TENT4B: variants seen among roughly 807,000 people sequenced by gnomAD.
The protein encoded by TENT4B is PAP associated domain containing 5.
A neutral mutation model predicts 75.0 loss-of-function variants in TENT4B; 10 were observed. That is an observed-to-expected ratio of 0.13 (90% CI 0.08 to 0.23). TENT4B has a LOEUF of 0.23. Among genes scored for constraint, TENT4B ranks in the 10% least tolerant of loss-of-function variants. The pLI, the probability that TENT4B is intolerant of heterozygous loss-of-function variation, is 1.00. For missense variants in TENT4B, 579 were observed against 893.8 expected (o/e 0.65, Z 4.49); for synonymous variants, 350 against 357.7 (o/e 0.98, Z 0.24).
intron 1 of TENT4B, among the ~76,000 whole-genome samples, chr16:50,170,571 G>A (rs189863391): frequency 6.6e-6 from 1 of 152,188 alleles, no homozygotes; most frequent in Non-Finnish European, 1.5e-5. Context: ...AAGATGAGCC[G>A]CACTCAGCCT....
chr16:50,187,013 G>T (rs966796292), intron 1 of TENT4B, among the ~76,000 whole-genome samples: 2 of 151,702 alleles, frequency 1.3e-5, no homozygotes, highest in Non-Finnish European at 2.9e-5. Context: ...CTCCTACCTC[G>T]GCTTCTCAGA....
chr16:50,165,726 G>A (rs922352837), intron 1 of TENT4B, among the ~76,000 whole-genome samples: 3 of 152,096 alleles, frequency 2.0e-5, no homozygotes, highest in African/African-American at 7.2e-5. Flanking sequence ...TGTTTCCAAA[G>A]GTTATCTGTG....
chr16:50,226,086 G>A (rs577391293), intron 10 of TENT4B, among the ~76,000 whole-genome samples: 2 of 151,258 alleles, frequency 1.3e-5, no homozygotes, highest in Admixed American at 6.6e-5. Context: ...CTCAACCTTC[G>A]CCTCCTGGGT....
intron 1 of TENT4B, among the ~76,000 whole-genome samples, chr16:50,194,938 A>G (rs1226734744): frequency 1.3e-5 from 2 of 151,440 alleles, no homozygotes; most frequent in Non-Finnish European, 2.9e-5. Context: ...TTTAGTAGAG[A>G]CGGGGTTTCA....
intron 2 of TENT4B, among the ~76,000 whole-genome samples, chr16:50,212,501 T>C (rs1459062005): frequency 6.6e-6 from 1 of 152,198 alleles, no homozygotes; most frequent in East Asian, 1.9e-4. Flanking sequence ...GGCACTGTCC[T>C]GGGTGGTGGT....
intron 6 of TENT4B, among the ~76,000 whole-genome samples, chr16:50,222,907 A>G (rs1253534721): frequency 6.6e-6 from 1 of 152,062 alleles, no homozygotes; most frequent in African/African-American, 2.4e-5. Context: ...GACTTTGCTG[A>G]TGTGTTGGGC....
At position 50,229,544 on chromosome 16, in the gene TENT4B, A is replaced by G. The variant is rs369429144; in HGVS notation, c.*216A>G. On this transcript the variant is annotated 3_prime_UTR_variant, in exon 12 of 12. Coordinates refer to ENST00000561678, the MANE Select transcript of TENT4B (RefSeq NM_001365324.3). ...AAAAAAAAGCAAGCAAAAAAGAGGG[A>G]AAAAAAAGGCTGCTTATTTGATAAG... 6.7e-5 allele frequency: 84 copies of G among 1,251,906 alleles called. No individual in the cohort carries two copies. The highest frequency in any genetic ancestry group is 2.8e-4 in the South Asian group (9 of 32,646). The allele number at this position is 1,251,906 out of a possible 1,614,324, so 77.5% of individuals were successfully genotyped here.
chr16:50,210,057 AC>A (rs1164687388), intron 1 of TENT4B, among the ~76,000 whole-genome samples: 1 of 150,730 alleles, frequency 6.6e-6, no homozygotes, highest in African/African-American at 2.4e-5. Flanking sequence ...CCCAGGCCAA[AC>A]CCCCTGCCCC....
At chr16:50,152,929 C>T (rs1171769650), upstream of TENT4B, 4 of 1,491,266 alleles carry the variant, frequency 2.7e-6, no homozygotes, top group Non-Finnish European at 3.6e-6. Context: ...CAACGCGCTC[C>T]CTGCGGGGCG....
intron 1 of TENT4B, among the ~76,000 whole-genome samples, chr16:50,162,878 GTTGGC>G (rs1457026431): frequency 6.2e-4 from 94 of 152,272 alleles, no homozygotes; most frequent in Middle Eastern, 6.8e-3. Context: ...TTTATAGTCT[GTTGGC>G]TTGGCTATAT....
At chr16:50,188,892 AC>A (rs2038586505) in intron 1 of TENT4B, among the ~76,000 whole-genome samples, 1 of 152,212 alleles carries the variant, frequency 6.6e-6, no homozygotes, top group African/African-American at 2.4e-5. Flanking sequence ...AAAACAAGAT[AC>A]ATGCTGACAT....
intron 1 of TENT4B, among the ~76,000 whole-genome samples, chr16:50,188,629 A>G (rs1316350610): frequency 2.6e-5 from 4 of 152,228 alleles, no homozygotes; most frequent in Admixed American, 1.3e-4. Context: ...AGTTTACGAC[A>G]TGTCTCAATA....
rs5816679 is a variant in TENT4B, at chr16:50,194,216, C to CTT, written c.639-17095_639-17094dup. ...TCTGTTCTTTCTTTCTCTTTTCTTT[C>CTT]TTTTTTTTTTTTTCTCTGAGACGGA... On this transcript the variant is annotated intron_variant, in intron 1 of 11. Transcript: ENST00000561678. Among the ~76,000 whole-genome samples, 141 of 139,772 alleles carry CTT rather than the reference C, an allele frequency of 1.0e-3. 1 individual carries two copies. The highest frequency in any genetic ancestry group is 1.2e-3 in the Non-Finnish European group (82 of 65,688). The allele number at this position is 139,772 out of a possible 152,430, so 91.7% of individuals were successfully genotyped here.
intron 1 of TENT4B, among the ~76,000 whole-genome samples, chr16:50,197,680 A>G (rs1046933180): frequency 6.6e-6 from 1 of 152,200 alleles, no homozygotes; most frequent in African/African-American, 2.4e-5. Context: ...TGTCGTGGAA[A>G]AAGATTTATG....
At position 50,231,879 on chromosome 16, in the gene TENT4B, CTTAT is replaced by C. The variant is rs1207079109; in HGVS notation, c.*2554_*2557del. 2.0e-6 allele frequency: 2 copies of C among 982,116 alleles called. No homozygotes were observed. The highest frequency in any genetic ancestry group is 6.2e-5 in the Admixed American group (1 of 16,248). 60.8% of individuals were successfully genotyped at this position (982,116 alleles called of 1,614,324 possible). A position where few individuals can be genotyped will look rare whatever the true frequency, so the allele number is the denominator to read the frequency against. On this transcript the variant is annotated 3_prime_UTR_variant, in exon 12 of 12. Transcript: ENST00000561678. ...TACATTTCATCTATTTGACTCCTATCTTATTTCTTTTTTGAGTTTTAATACTTCC... is the reference window on the plus strand; with the variant it reads ...TACATTTCATCTATTTGACTCCTATCTTCTTTTTTGAGTTTTAATACTTCC...
chr16:50,206,354 A>ATTTTTTTTTT (rs35118426), intron 1 of TENT4B, among the ~76,000 whole-genome samples: 3 of 96,548 alleles, frequency 3.1e-5, no homozygotes, highest in African/African-American at 7.8e-5. Context: ...ATATGTATGT[A>ATTTTTTTTTT]TTTTTTTTTT....
In TENT4B at chr16:50,233,183, AAT is replaced by A. The variant is rs2032346957; in HGVS notation, c.*3858_*3859del. On this transcript the variant is annotated 3_prime_UTR_variant, in exon 12 of 12. Coordinates refer to ENST00000561678, the MANE Select transcript of TENT4B (RefSeq NM_001365324.3). ...ATCAGGGTCATAGTTCATCTAGTAAAATATTTAGAGAATGATGTTAACATTCC... is the reference window on the plus strand; with the variant it reads ...ATCAGGGTCATAGTTCATCTAGTAAAATTTAGAGAATGATGTTAACATTCC... 1 of 984,780 alleles carries A rather than the reference AAT, an allele frequency of 1.0e-6. No individual in the cohort carries two copies. The highest frequency in any genetic ancestry group is 4.7e-5 in the South Asian group (1 of 21,276). 61.0% of individuals were successfully genotyped at this position (984,780 alleles called of 1,614,324 possible).
chr16:50,156,472 G>A (rs113587860), intron 1 of TENT4B, among the ~76,000 whole-genome samples: 7,185 of 151,920 alleles, frequency 0.047, 224 homozygotes, highest in East Asian at 0.088. Context: ...AGCCTCCCGA[G>A]TAGCTGGGAT....
At chr16:50,184,621 G>C (rs535739372) in intron 1 of TENT4B, among the ~76,000 whole-genome samples, 35 of 152,204 alleles carry the variant, frequency 2.3e-4, no homozygotes, top group African/African-American at 7.9e-4. Flanking sequence ...GAGCCGAGAT[G>C]GCGCCACTGC....
Sources: gnomAD v4.1 joint callset for allele counts (sites outside exome capture counted in the v4.1 genomes callset) on GRCh38, gnomAD v4.1.1 for gene constraint, MANE v1.5 for transcripts, NCBI Gene and HGNC (gene_info 2026-07-23, HGNC 2026-07-21) for gene names.